Variants in CNTN5 observed in about 807,000 individuals in gnomAD.
The protein encoded by CNTN5 is contactin 5.
In CNTN5, 77 loss-of-function variants were observed where a neutral mutation model predicts 129.1. The observed-to-expected ratio is 0.60, with a 90% CI of 0.50 to 0.72. The LOEUF (loss-of-function observed/expected upper bound fraction) is 0.72, where lower values mean the gene tolerates loss of function less well. CNTN5 is among the 30% of genes least tolerant of loss of function. CNTN5 has a pLI of 0.00. For missense variants in CNTN5, 1,478 were observed against 1,328.8 expected (o/e 1.11, Z -1.75); for synonymous variants, 509 against 465.6 (o/e 1.09, Z -1.20).
intron 21 of CNTN5, among the ~76,000 whole-genome samples, chr11:100,321,161 A>G (rs958818771): frequency 6.6e-6 from 1 of 152,072 alleles, no homozygotes; most frequent in African/African-American, 2.4e-5. Context: ...ACATTTTAAC[A>G]TTAATTTTTC....
At chr11:99,728,277 G>T in intron 3 of CNTN5, among the ~76,000 whole-genome samples, 1 of 152,164 alleles carries the variant, frequency 6.6e-6, no homozygotes, top group East Asian at 1.9e-4. Context: ...CAATATTTGT[G>T]AGTGACTTGA....
rs976437486 is a variant in CNTN5, at chr11:99,303,179, G to A, written c.-209-22167G>A. 1.2e-4 allele frequency among the ~76,000 whole-genome samples: 18 copies of A among 151,524 alleles called. 1 individual carries two copies. The highest frequency in any genetic ancestry group is 1.5e-5 in the Non-Finnish European group (1 of 67,786). On this transcript the variant is annotated intron_variant, in intron 1 of 24. Transcript: ENST00000524871. ...AGAATCCAATTGACCTTGTATTACA[G>A]CCCATATGCATTAAGATGCTTATCG...
chr11:99,970,328 T>A (rs1951215246), intron 8 of CNTN5, among the ~76,000 whole-genome samples: 1 of 152,222 alleles, frequency 6.6e-6, no homozygotes, highest in Non-Finnish European at 1.5e-5. Context: ...TAAAACTAAT[T>A]GTAACGCCAC....
At chr11:99,715,656 A>G (rs1955188032) in intron 3 of CNTN5, among the ~76,000 whole-genome samples, 1 of 152,048 alleles carries the variant, frequency 6.6e-6, no homozygotes, top group Admixed American at 6.6e-5. Flanking sequence ...TTTTTTATTT[A>G]TCATTTATAA....
chr11:99,607,859 C>G (rs1950471253), intron 3 of CNTN5, among the ~76,000 whole-genome samples: 1 of 127,114 alleles, frequency 7.9e-6, no homozygotes, highest in African/African-American at 2.9e-5. Flanking sequence ...AACAAAAAAC[C>G]AAACACCGCA....
At chr11:100,084,309 AGT>A (rs1428639673) in intron 13 of CNTN5, among the ~76,000 whole-genome samples, 1 of 152,102 alleles carries the variant, frequency 6.6e-6, no homozygotes, top group Non-Finnish European at 1.5e-5. Context: ...CAAGCATCTA[AGT>A]ATATGCTCCT....
intron 1 of CNTN5, among the ~76,000 whole-genome samples, chr11:99,320,153 GA>G (rs1865508748): frequency 1.3e-5 from 2 of 152,160 alleles, no homozygotes; most frequent in Admixed American, 1.3e-4. Context: ...TGAGGTGGGA[GA>G]ATCGCTTGAA....
chr11:100,189,925 A>G (rs576752200), intron 13 of CNTN5, among the ~76,000 whole-genome samples: 51 of 152,258 alleles, frequency 3.3e-4, no homozygotes, highest in African/African-American at 1.2e-3. Flanking sequence ...ATATGTTTTC[A>G]AACTGATATC....
At chr11:99,582,534 C>A (rs900644195) in intron 3 of CNTN5, among the ~76,000 whole-genome samples, 4 of 152,100 alleles carry the variant, frequency 2.6e-5, no homozygotes, top group Non-Finnish European at 5.9e-5. Context: ...TCTTTTTATT[C>A]TTTTTTCTCT....
intron 3 of CNTN5, among the ~76,000 whole-genome samples, chr11:99,711,123 G>T (rs1591515660): frequency 6.6e-6 from 1 of 151,756 alleles, no homozygotes; most frequent in African/African-American, 2.4e-5. Flanking sequence ...AAACATTTTT[G>T]ATTGTTCCTT....
Position 99,507,248 on chromosome 11 carries a change from G to A in CNTN5, c.-70-48897G>A, listed in dbSNP as rs1041924690. On this transcript the variant is annotated intron_variant, in intron 2 of 24. Coordinates refer to ENST00000524871, the MANE Select transcript of CNTN5 (RefSeq NM_014361.4). Reference sequence around the variant, plus strand: ...AAAAATTAGCTAGGCATGGTGGTGCGCACCTGTAGTCCCAGCTACTCGGGA... The same window carrying A: ...AAAAATTAGCTAGGCATGGTGGTGCACACCTGTAGTCCCAGCTACTCGGGA... Among the ~76,000 whole-genome samples, 17 of 151,610 alleles carry A rather than the reference G, an allele frequency of 1.1e-4. No homozygotes were observed. In the East Asian group the frequency reaches 1.4e-3, roughly 12 times the overall value.
In CNTN5 at chr11:99,857,938, G is replaced by A. The variant is rs188695418; in HGVS notation, c.577+12676G>A. On this transcript the variant is annotated intron_variant, in intron 6 of 24. Transcript: ENST00000524871. Reference sequence around the variant, plus strand: ...AATTTATCAAACCAAGCAACAAAACGTGTTAAGTTTTTTGAAAATGTATGT... The same window carrying A: ...AATTTATCAAACCAAGCAACAAAACATGTTAAGTTTTTTGAAAATGTATGT... Among the ~76,000 whole-genome samples, 951 of 152,026 alleles carry A rather than the reference G, an allele frequency of 6.3e-3. 5 individuals carry two copies. The highest frequency in any genetic ancestry group is 0.02 in the African/African-American group (840 of 41,466).
chr11:99,570,062 T>A (rs1053237925), intron 3 of CNTN5, among the ~76,000 whole-genome samples: 1 of 151,818 alleles, frequency 6.6e-6, no homozygotes, highest in Non-Finnish European at 1.5e-5. Context: ...CTGCTCAGCC[T>A]CATGTCATCC....
At chr11:100,288,899 A>C (rs1159306803) in intron 18 of CNTN5, among the ~76,000 whole-genome samples, 5 of 152,042 alleles carry the variant, frequency 3.3e-5, no homozygotes, top group Admixed American at 2.6e-4. Context: ...AGAATCAAAT[A>C]GACACAATAA....
At chr11:100,242,682 T>C (rs1015813298) in intron 16 of CNTN5, among the ~76,000 whole-genome samples, 4 of 152,046 alleles carry the variant, frequency 2.6e-5, no homozygotes, top group Non-Finnish European at 4.4e-5. Context: ...CCATGAGAAA[T>C]TGCCTGCATG....
intron 2 of CNTN5, among the ~76,000 whole-genome samples, chr11:99,548,475 T>A (rs1034614681): frequency 1.3e-5 from 2 of 152,152 alleles, no homozygotes; most frequent in Non-Finnish European, 2.9e-5. Flanking sequence ...TGACTGGAGG[T>A]CCATAATTGT....
At chr11:99,320,585 G>A (rs1377293646) in intron 1 of CNTN5, among the ~76,000 whole-genome samples, 1 of 152,066 alleles carries the variant, frequency 6.6e-6, no homozygotes, top group Non-Finnish European at 1.5e-5. Flanking sequence ...ACCTTCTAAG[G>A]CACAGAAAAA....
In CNTN5 at chr11:99,639,024, C is replaced by T. The variant is rs561729618; in HGVS notation, c.55+82755C>T. The stretch of plus-strand genomic sequence containing the variant: ...AGAGATTCTCGTGAGGTCCCTGTCC[C>T]TGCAGCAAACTTTTGCCTGTGCATC... On this transcript the variant is annotated intron_variant, in intron 3 of 24. Coordinates refer to ENST00000524871, the MANE Select transcript of CNTN5 (RefSeq NM_014361.4). Among the ~76,000 whole-genome samples the T allele has an allele frequency of 7.9e-5, 12 of 152,322 alleles. No individual in the cohort carries two copies. The South Asian group carries it at 2.3e-3, about 29-fold the overall frequency.
At chr11:99,774,811 C>A (rs1015142624) in intron 3 of CNTN5, among the ~76,000 whole-genome samples, 1 of 151,898 alleles carries the variant, frequency 6.6e-6, no homozygotes, top group Non-Finnish European at 1.5e-5. Context: ...ATAATAAATC[C>A]GCTCTCCAGT....
Sources: gnomAD v4.1 joint callset for allele counts (sites outside exome capture counted in the v4.1 genomes callset) on GRCh38, gnomAD v4.1.1 for gene constraint, MANE v1.5 for transcripts, NCBI Gene and HGNC (gene_info 2026-07-23, HGNC 2026-07-21) for gene names.